Variants in CADM1 observed in about 807,000 individuals in gnomAD.
CADM1 encodes cell adhesion molecule 1.
In CADM1, 15 loss-of-function variants were observed where a neutral mutation model predicts 53.1. The ratio of observed to expected loss-of-function variants is 0.28; its 90% CI spans 0.19 to 0.44. The LOEUF is 0.44. Among genes scored for constraint, CADM1 ranks in the 20% least tolerant of loss-of-function variants. The pLI, the probability that CADM1 is intolerant of heterozygous loss-of-function variation, is 1.00. For missense variants in CADM1, 434 were observed against 611.3 expected (o/e 0.71, Z 3.06); for synonymous variants, 281 against 243.0 (o/e 1.16, Z -1.45).
intron 1 of CADM1, among the ~76,000 whole-genome samples, chr11:115,465,919 G>A (rs1948890912): frequency 6.6e-6 from 1 of 152,102 alleles, no homozygotes; most frequent in Non-Finnish European, 1.5e-5. Context: ...TGCTAAAATG[G>A]ATAACAAGTA....
chr11:115,249,437 T>G (rs766038094), intron 1 of CADM1, among the ~76,000 whole-genome samples: 22 of 152,236 alleles, frequency 1.4e-4, no homozygotes, highest in Non-Finnish European at 2.8e-4. Flanking sequence ...TCATCCGGTG[T>G]TGTTGGTCAC....
Position 115,285,168 on chromosome 11 carries a change from A to T in CADM1, c.125-44748T>A, listed in dbSNP as rs1943698378. ...ACCCCCTGATTTATACAGTCGAAGG[A>T]CTCAGGAGAGTATGACTTTACCTTT... On this transcript the variant is annotated intron_variant, in intron 1 of 11. Transcript: ENST00000331581. Among the ~76,000 whole-genome samples, 3 of 152,216 alleles carry T rather than the reference A, an allele frequency of 2.0e-5. No homozygotes were observed. In the South Asian group the frequency reaches 6.2e-4, roughly 32 times the overall value.
chr11:115,321,968 C>CTTTTAGTCAACTATTCGGTAGAAATAT (rs1944836219), intron 1 of CADM1, among the ~76,000 whole-genome samples: 1 of 152,160 alleles, frequency 6.6e-6, no homozygotes, highest in African/African-American at 2.4e-5. Context: ...GCATCATCCA[C>CTTTTAGTCAACTATTCGGTAGAAATAT]ATAACATACA....
At chr11:115,390,895 C>T (rs1946820127) in intron 1 of CADM1, among the ~76,000 whole-genome samples, 1 of 152,112 alleles carries the variant, frequency 6.6e-6, no homozygotes, top group Non-Finnish European at 1.5e-5. Flanking sequence ...AATTAAAATT[C>T]TTTTGCCAAG....
intron 5 of CADM1, among the ~76,000 whole-genome samples, chr11:115,221,445 TAAA>T (rs527365919): frequency 6.6e-6 from 1 of 152,076 alleles, no homozygotes; most frequent in African/African-American, 2.4e-5. Context: ...AGCAACCAAT[TAAA>T]AAAATAATAT....
chr11:115,190,973 C>T lies in CADM1; in HGVS notation c.1112-32G>A, dbSNP rs572263893. 9.0e-6 allele frequency: 14 copies of T among 1,556,360 alleles called. 1 individual carries two copies. The South Asian group carries it at 1.5e-4, about 17-fold the overall frequency. On this transcript the variant is annotated intron_variant, in intron 9 of 11. Transcript: ENST00000331581. ...AGTAAAAACAAATCGTTTTTCTTTT[C>T]ATTCCTCGAGGGACATAAACAAAAC...
intron 1 of CADM1, among the ~76,000 whole-genome samples, chr11:115,404,477 G>A (rs1947261447): frequency 6.9e-6 from 1 of 145,096 alleles, no homozygotes. Context: ...GAAAGGGAGA[G>A]AAAGTACCTT....
At chr11:115,225,315 G>GC (rs989546454) in intron 5 of CADM1, among the ~76,000 whole-genome samples, 2 of 147,442 alleles carry the variant, frequency 1.4e-5, no homozygotes, top group African/African-American at 2.5e-5. Flanking sequence ...AATAAAAAAG[G>GC]GGGGGGGACT....
chr11:115,236,920 T>A (rs761707259), intron 3 of CADM1, among the ~76,000 whole-genome samples: 1 of 152,148 alleles, frequency 6.6e-6, no homozygotes, highest in Non-Finnish European at 1.5e-5. Context: ...GTTATTATCA[T>A]TTTACTTCTG....
chr11:115,206,288 A>G (rs1940673264), intron 8 of CADM1, among the ~76,000 whole-genome samples: 1 of 152,180 alleles, frequency 6.6e-6, no homozygotes, highest in South Asian at 2.1e-4. Context: ...AGAGACTACA[A>G]AAATTTCTCC....
intron 8 of CADM1, among the ~76,000 whole-genome samples, chr11:115,206,435 C>A (rs1221240938): frequency 6.6e-6 from 1 of 152,146 alleles, no homozygotes; most frequent in African/African-American, 2.4e-5. Context: ...AAAGCAGAGT[C>A]CGATTTGGCT....
chr11:115,215,912 C>T (rs953502470), intron 6 of CADM1, among the ~76,000 whole-genome samples: 8 of 152,260 alleles, frequency 5.3e-5, no homozygotes, highest in East Asian at 3.9e-4. Context: ...TCAAGTTAGC[C>T]CTGTCAAGTA....
chr11:115,324,085 ATTC>A (rs1944896410), intron 1 of CADM1, among the ~76,000 whole-genome samples: 1 of 152,162 alleles, frequency 6.6e-6, no homozygotes, highest in African/African-American at 2.4e-5. Flanking sequence ...AAAACCCTGC[ATTC>A]TTCTTAACTC....
chr11:115,421,003 G>A (rs1264166818), intron 1 of CADM1, among the ~76,000 whole-genome samples: 1 of 152,164 alleles, frequency 6.6e-6, no homozygotes, highest in Non-Finnish European at 1.5e-5. Context: ...ACTCACTTGT[G>A]CAGGGATGTT....
Position 115,337,240 on chromosome 11 carries a change from G to C in CADM1, c.125-96820C>G, listed in dbSNP as rs535824138. Reference sequence around the variant, plus strand: ...GATGTTCTCCAGTTCCTTAGCTTCTGACTGAGATTTAGCTGGCATTATCAG... The same window carrying C: ...GATGTTCTCCAGTTCCTTAGCTTCTCACTGAGATTTAGCTGGCATTATCAG... On this transcript the variant is annotated intron_variant, in intron 1 of 11. Transcript: ENST00000331581. Among the ~76,000 whole-genome samples the C allele has an allele frequency of 1.2e-4, 18 of 152,202 alleles. No individual in the cohort carries two copies. The South Asian group carries it at 3.1e-3, about 26-fold the overall frequency.
At chr11:115,499,910 GT>G (rs1177716384) in intron 1 of CADM1, among the ~76,000 whole-genome samples, 2 of 152,162 alleles carry the variant, frequency 1.3e-5, no homozygotes, top group Non-Finnish European at 2.9e-5. Flanking sequence ...ATGTGGGCAA[GT>G]TTTTGTATCC....
At chr11:115,234,897 A>G (rs1238004075) in intron 3 of CADM1, among the ~76,000 whole-genome samples, 23 of 147,618 alleles carry the variant, frequency 1.6e-4, no homozygotes, top group African/African-American at 5.3e-4. Flanking sequence ...CGTCTCCAAA[A>G]AAAAAAAAAA....
At position 115,434,860 on chromosome 11, in the gene CADM1, A is replaced by T. The variant is rs868086224; in HGVS notation, c.124+69411T>A. Reference sequence around the variant, plus strand: ...AGTATTTTATTTTATTATTATTATTATTATTTTTTTTTTTTTTTGAGACAG... The same window carrying T: ...AGTATTTTATTTTATTATTATTATTTTTATTTTTTTTTTTTTTTGAGACAG... On this transcript the variant is annotated intron_variant, in intron 1 of 11. Transcript: ENST00000331581. Among the ~76,000 whole-genome samples, 981 of 132,808 alleles carry T rather than the reference A, an allele frequency of 7.4e-3. 8 individuals are homozygous for T. Among genetic ancestry groups the T allele is most frequent in the South Asian group, 0.013 (54 of 4,290 alleles). The allele number at this position is 132,808 out of a possible 152,430, so 87.1% of individuals were successfully genotyped here.
chr11:115,178,996 G>A (rs1939181430), intron 10 of CADM1: 2 of 583,090 alleles, frequency 3.4e-6, no homozygotes, highest in Non-Finnish European at 6.3e-6. Flanking sequence ...AAGCAGCATA[G>A]GAGGGTTAAT....
Sources: allele counts gnomAD v4.1 joint callset (sites outside exome capture counted in the v4.1 genomes callset), GRCh38; gene constraint gnomAD v4.1.1; transcripts MANE v1.5; gene names NCBI Gene and HGNC (gene_info 2026-07-23, HGNC 2026-07-21).